SH3KBP1: variants seen among roughly 807,000 people sequenced by gnomAD.
SH3KBP1 encodes the protein SH3 domain containing kinase binding protein 1, also known as SH3 domain-containing kinase-binding protein 1.
In SH3KBP1, 8 loss-of-function variants were observed where a neutral mutation model predicts 50.1. The ratio of observed to expected loss-of-function variants is 0.16; its 90% CI spans 0.09 to 0.29. The LOEUF is 0.29. Among genes scored for constraint, SH3KBP1 ranks in the 10% least tolerant of loss-of-function variants. The pLI is 1.00. For synonymous variants in SH3KBP1, 227 were observed against 218.6 expected (o/e 1.04, Z -0.34); for missense variants, 377 against 535.2 (o/e 0.70, Z 2.92).
At chrX:19,655,449 A>G (rs2062249441) in intron 6 of SH3KBP1, among the ~76,000 whole-genome samples, 1 of 112,076 alleles carries the variant, frequency 8.9e-6, no homozygotes, top group African/African-American at 3.2e-5. Context: ...GGATAAAGAA[A>G]GGAGGTGCAT....
intron 17 of SH3KBP1, among the ~76,000 whole-genome samples, chrX:19,537,297 A>G (rs2064740678): frequency 9.1e-6 from 1 of 110,144 alleles, no homozygotes; most frequent in Non-Finnish European, 1.9e-5. Context: ...TCTCTACTAA[A>G]AATACAAAAA....
Position 19,787,300 on chromosome X carries a change from G to A in SH3KBP1, c.163-40859C>T, listed in dbSNP as rs746597082. 2.1e-4 allele frequency among the ~76,000 whole-genome samples: 23 copies of A among 111,956 alleles called. 1 individual carries two copies. In the South Asian group the frequency reaches 8.5e-3, roughly 41 times the overall value. On this transcript the variant is annotated intron_variant, in intron 2 of 17. Coordinates refer to ENST00000397821, the MANE Select transcript of SH3KBP1 (RefSeq NM_031892.3). Reference sequence around the variant, plus strand: ...CACAGCTATTGCCTATTCTATTTCGGTATTCTGCACAGCCCCTAGCAGTTT... The same window carrying A: ...CACAGCTATTGCCTATTCTATTTCGATATTCTGCACAGCCCCTAGCAGTTT...
At chrX:19,555,615 G>T in intron 13 of SH3KBP1, among the ~76,000 whole-genome samples, 1 of 111,936 alleles carries the variant, frequency 8.9e-6, no homozygotes, top group Non-Finnish European at 1.9e-5. Flanking sequence ...CTAAAACCTG[G>T]CAATGTCGCT....
intron 8 of SH3KBP1, among the ~76,000 whole-genome samples, chrX:19,615,686 A>G (rs1285503959): frequency 9.0e-6 from 1 of 111,429 alleles, no homozygotes; most frequent in African/African-American, 3.3e-5. Flanking sequence ...AATTTTCTAC[A>G]TCCCCATAAA....
chrX:19,572,744 C>G (rs539945840), intron 12 of SH3KBP1, among the ~76,000 whole-genome samples: 1 of 111,052 alleles, frequency 9.0e-6, no homozygotes, highest in Non-Finnish European at 1.9e-5. Flanking sequence ...AATAGGAAAA[C>G]ACTTGAATAA....
chrX:19,782,609 G>C (rs2066214838), intron 2 of SH3KBP1, among the ~76,000 whole-genome samples: 1 of 111,550 alleles, frequency 9.0e-6, no homozygotes, highest in Admixed American at 9.5e-5. Flanking sequence ...ATGGGATTCT[G>C]CTGGAAACAC....
intron 9 of SH3KBP1, among the ~76,000 whole-genome samples, chrX:19,602,573 A>AT (rs1277120490): frequency 1.8e-5 from 2 of 112,254 alleles, no homozygotes; most frequent in African/African-American, 6.5e-5. Flanking sequence ...GTTTAGGTAA[A>AT]TTTTTTTCAT....
intron 6 of SH3KBP1, among the ~76,000 whole-genome samples, chrX:19,651,480 G>A (rs2062124934): frequency 9.0e-6 from 1 of 111,617 alleles, no homozygotes; most frequent in Non-Finnish European, 1.9e-5. Context: ...TTCTCCAAAG[G>A]GGTGTGCTTC....
intron 2 of SH3KBP1, among the ~76,000 whole-genome samples, chrX:19,835,166 A>G (rs2068025272): frequency 9.0e-6 from 1 of 111,531 alleles, no homozygotes; most frequent in African/African-American, 3.3e-5. Flanking sequence ...TTGTTTGTTT[A>G]TTTATTTAGA....
intron 3 of SH3KBP1, among the ~76,000 whole-genome samples, chrX:19,712,814 T>C (rs2063810356): frequency 9.0e-6 from 1 of 111,578 alleles, no homozygotes; most frequent in Non-Finnish European, 1.9e-5. Context: ...CTATAGAATA[T>C]CGTCACCTAT....
At chrX:19,678,747 C>T (rs1382006041) in intron 6 of SH3KBP1, among the ~76,000 whole-genome samples, 1 of 111,208 alleles carries the variant, frequency 9.0e-6, no homozygotes, top group Non-Finnish European at 1.9e-5. Flanking sequence ...GTTTCTGTTA[C>T]CTCTCTTCTG....
chrX:19,867,259 TCTC>T (rs1224927331), intron 1 of SH3KBP1, among the ~76,000 whole-genome samples: 1 of 110,520 alleles, frequency 9.0e-6, no homozygotes, highest in Non-Finnish European at 1.9e-5. Flanking sequence ...GCATGTGCCT[TCTC>T]CTCAAGTGGT....
intron 1 of SH3KBP1, among the ~76,000 whole-genome samples, chrX:19,856,843 T>C (rs905946653): frequency 9.1e-6 from 1 of 109,576 alleles, no homozygotes. Flanking sequence ...CACAAGTATT[T>C]ACATCCTTAT....
intron 6 of SH3KBP1, among the ~76,000 whole-genome samples, chrX:19,652,331 T>C (rs1328518081): frequency 1.8e-5 from 2 of 111,543 alleles, no homozygotes; most frequent in South Asian, 3.8e-4. Flanking sequence ...AAGAATCTAA[T>C]CTCAGCTATG....
chrX:19,887,580 C>A lies in SH3KBP1; in HGVS notation c.-270G>T, dbSNP rs1227272777. On this transcript the variant is annotated 5_prime_UTR_variant, in exon 1 of 18. Coordinates refer to ENST00000397821, the MANE Select transcript of SH3KBP1 (RefSeq NM_031892.3). The stretch of plus-strand genomic sequence containing the variant: ...GCGCCCGGCTGCGCCGGGTTTCCTG[C>A]TCCCCGCGAGTGGAAATTGCGAAAA... The A allele has an allele frequency of 2.9e-4, 39 of 132,550 alleles. No homozygotes were observed. The highest frequency in any genetic ancestry group is 4.3e-4 in the Non-Finnish European group (33 of 76,285). The allele number at this position is 132,550 out of a possible 1,213,427, so 10.9% of individuals were successfully genotyped here. A position where few individuals can be genotyped will look rare whatever the true frequency, so the allele number is the denominator to read the frequency against.
intron 3 of SH3KBP1, among the ~76,000 whole-genome samples, chrX:19,709,205 G>A (rs2063721599): frequency 8.9e-6 from 1 of 112,012 alleles, no homozygotes; most frequent in Non-Finnish European, 1.9e-5. Context: ...CCAGCCTCAT[G>A]ACTGTTACTG....
chrX:19,883,033 G>A (rs1283583780), intron 1 of SH3KBP1, among the ~76,000 whole-genome samples: 1 of 112,308 alleles, frequency 8.9e-6, no homozygotes, highest in Non-Finnish European at 1.9e-5. Context: ...TATGAACAGA[G>A]TGCCTTGTGT....
chrX:19,657,245 G>A (rs1039751456), intron 6 of SH3KBP1, among the ~76,000 whole-genome samples: 1 of 109,941 alleles, frequency 9.1e-6, no homozygotes, highest in Admixed American at 9.8e-5. Flanking sequence ...GCTGGATGTG[G>A]TGGTGCACAC....
In SH3KBP1 at chrX:19,691,350, C is replaced by CTATA. The variant is rs1208012762; in HGVS notation, c.520+4261_520+4262insTATA. ...GCTCTCTCTCTCTCTCTCTCTCTCT[C>CTATA]TCTCTCTATATATATATATATCTTT... On this transcript the variant is annotated intron_variant, in intron 5 of 17. Transcript: ENST00000397821. 3.5e-3 allele frequency among the ~76,000 whole-genome samples: 326 copies of CTATA among 93,590 alleles called. 1 individual carries two copies. The highest frequency in any genetic ancestry group is 0.013 in the African/African-American group (300 of 23,150). The allele number at this position is 93,590 out of a possible 115,157, so 81.3% of individuals were successfully genotyped here.
Sources: gnomAD v4.1 joint callset for allele counts (sites outside exome capture counted in the v4.1 genomes callset) on GRCh38, gnomAD v4.1.1 for gene constraint, MANE v1.5 for transcripts, NCBI Gene and HGNC (gene_info 2026-07-23, HGNC 2026-07-21) for gene names.